The following IL17RD variants were observed in gnomAD, a reference collection of about 807,000 sequenced individuals.
The protein encoded by IL17RD is interleukin 17 receptor D, also known as interleukin-17 receptor D.
Under a neutral mutation model 80.5 loss-of-function variants are expected in IL17RD, and 52 were observed. The observed-to-expected ratio is 0.65, with a 90% confidence interval of 0.52 to 0.81. IL17RD has a LOEUF of 0.81. Among genes scored for constraint, IL17RD ranks in the 40% least tolerant of loss-of-function variants. The pLI is 0.00. For synonymous variants in IL17RD, 416 were observed against 391.8 expected, an observed-to-expected ratio of 1.06 and a Z score of -0.73; for missense variants, 1,024 against 955.1, an observed-to-expected ratio of 1.07 and a Z score of -0.95.
chr3:57,106,475 C>T (rs1248524539), intron 5 of IL17RD, among the ~76,000 whole-genome samples: 1 of 152,216 alleles, frequency 6.6e-6, no homozygotes, highest in Admixed American at 6.5e-5. Flanking sequence ...GTTCATGCTA[C>T]AGTCACATGG....
chr3:57,146,897 A>C (rs1707943298), intron 1 of IL17RD, among the ~76,000 whole-genome samples: 1 of 128,062 alleles, frequency 7.8e-6, no homozygotes, highest in African/African-American at 4.2e-5. Flanking sequence ...GACTCACTGC[A>C]ACCTATCTAT....
At chr3:57,097,148 T>G (rs948975367) in intron 12 of IL17RD, among the ~76,000 whole-genome samples, 1 of 151,894 alleles carries the variant, frequency 6.6e-6, no homozygotes, top group African/African-American at 2.4e-5. Flanking sequence ...TGGGACCCTA[T>G]GCTGAAGGAT....
intron 11 of IL17RD, among the ~76,000 whole-genome samples, chr3:57,099,475 A>G (rs1706778587): frequency 6.6e-6 from 1 of 152,176 alleles, no homozygotes; most frequent in Non-Finnish European, 1.5e-5. Flanking sequence ...ATTAATTCCC[A>G]ATGGCTATGA....
chr3:57,106,184 A>G (rs747557161), intron 5 of IL17RD, 30 bp from the exon 6 acceptor site: 22 of 1,566,446 alleles, frequency 1.4e-5, no homozygotes, highest in Non-Finnish European at 1.9e-5. Flanking sequence ...ACATGTTTTT[A>G]GTTTTAGGAC....
At chr3:57,157,059 G>C (rs941449230) in intron 1 of IL17RD, among the ~76,000 whole-genome samples, 1 of 152,184 alleles carries the variant, frequency 6.6e-6, no homozygotes, top group Admixed American at 6.5e-5. Flanking sequence ...TGGCACATGG[G>C]AAAGCTAGAG....
chr3:57,093,434 G>A lies in IL17RD; in HGVS notation c.*2959C>T, dbSNP rs896187777. 1.2e-4 allele frequency: 19 copies of A among 152,070 alleles called. No homozygotes were observed. The highest frequency in any genetic ancestry group is 4.4e-4 in the African/African-American group (18 of 41,376). The allele number at this position is 152,070 out of a possible 1,614,324, so 9.4% of individuals were successfully genotyped here. A position where few individuals can be genotyped will look rare whatever the true frequency, so the allele number is the denominator to read the frequency against. ...TCATTTTTCCTCAAGGAATAAAATT[G>A]GTCCTCTTGCCCCTTATTTCTTTTA... On this transcript the variant is annotated 3_prime_UTR_variant, in exon 13 of 13. Transcript: ENST00000296318.
chr3:57,144,309 C>T (rs1473318772), intron 1 of IL17RD, among the ~76,000 whole-genome samples: 1 of 152,164 alleles, frequency 6.6e-6, no homozygotes, highest in East Asian at 1.9e-4. Context: ...GACCTCTTCC[C>T]TAGCCGCTCA....
At chr3:57,130,611 G>A (rs565709218) in intron 1 of IL17RD, among the ~76,000 whole-genome samples, 30 of 152,270 alleles carry the variant, frequency 2.0e-4, no homozygotes, top group African/African-American at 6.3e-4. Context: ...TGAAGCCACA[G>A]TCACCAAGCT....
At chr3:57,107,889 C>G (rs1024663558) in intron 5 of IL17RD, among the ~76,000 whole-genome samples, 4 of 151,970 alleles carry the variant, frequency 2.6e-5, no homozygotes, top group Non-Finnish European at 5.9e-5. Flanking sequence ...ATTTGGAATG[C>G]CTTTAGAACA....
intron 3 of IL17RD, 134 bp downstream of exon 3, chr3:57,114,558 T>G (rs1229731959): frequency 4.2e-6 from 3 of 722,572 alleles, no homozygotes; most frequent in Non-Finnish European, 6.4e-6. Flanking sequence ...CAACAAAGTG[T>G]ATCTGTGCCC....
chr3:57,136,273 T>C (rs901402743), intron 1 of IL17RD, among the ~76,000 whole-genome samples: 9 of 152,140 alleles, frequency 5.9e-5, no homozygotes, highest in African/African-American at 9.7e-5. Flanking sequence ...GTAAATTCCA[T>C]TTTGTGATTA....
intron 2 of IL17RD, among the ~76,000 whole-genome samples, chr3:57,118,197 G>A (rs1241980038): frequency 2.6e-5 from 4 of 152,184 alleles, no homozygotes; most frequent in South Asian, 2.1e-4. Flanking sequence ...GCTGAACCAA[G>A]TATCATGGAT....
At chr3:57,132,450 A>C (rs1478394785) in intron 1 of IL17RD, among the ~76,000 whole-genome samples, 1 of 152,078 alleles carries the variant, frequency 6.6e-6, no homozygotes, top group Non-Finnish European at 1.5e-5. Context: ...ACAGAGTAAG[A>C]CTCTGTCTCA....
intron 1 of IL17RD, among the ~76,000 whole-genome samples, chr3:57,132,897 G>A (rs1249976242): frequency 1.1e-4 from 17 of 152,080 alleles, no homozygotes; most frequent in African/African-American, 4.1e-4. Context: ...TCCCACTCCT[G>A]CTCAACTGCC....
chr3:57,153,116 G>A (rs553373174), intron 1 of IL17RD, among the ~76,000 whole-genome samples: 1 of 152,254 alleles, frequency 6.6e-6, no homozygotes, highest in Admixed American at 6.5e-5. Context: ...GTTTATTACA[G>A]GATAGCACAA....
chr3:57,126,338 G>C (rs533890889), intron 1 of IL17RD, among the ~76,000 whole-genome samples: 3 of 152,272 alleles, frequency 2.0e-5, no homozygotes, highest in Admixed American at 2.0e-4. Context: ...CAGTAGGGAC[G>C]GAAGCAGCAA....
chr3:57,102,379 G>A (rs1295276045), intron 10 of IL17RD, 100 bp downstream of exon 10: 6 of 503,486 alleles, frequency 1.2e-5, no homozygotes, highest in Admixed American at 3.7e-5. Flanking sequence ...CTTCCCAGGC[G>A]CCATCCTGGA....
At chr3:57,164,950 T>G in intron 1 of IL17RD, 1 of 1,295,772 alleles carries the variant, frequency 7.7e-7, no homozygotes, top group Non-Finnish European at 9.8e-7. Context: ...AAAGCCGGGG[T>G]CGGGCAGCCG....
Position 57,095,285 on chromosome 3 carries a change from C to T in IL17RD, c.*1108G>A, listed in dbSNP as rs1706647376. 1 of 152,166 alleles carries T rather than the reference C, an allele frequency of 6.6e-6. No individual in the cohort carries two copies. Among genetic ancestry groups the T allele is most frequent in the South Asian group, 2.1e-4 (1 of 4,834 alleles). The allele number at this position is 152,166 out of a possible 1,614,324, so 9.4% of individuals were successfully genotyped here. On this transcript the variant is annotated 3_prime_UTR_variant, in exon 13 of 13. Transcript: ENST00000296318. Reference sequence around the variant, plus strand: ...TGCTAATCATCAGATGGGATGTGAACAATTGTTTTTTCTTTAGAAATAGAA... The same window carrying T: ...TGCTAATCATCAGATGGGATGTGAATAATTGTTTTTTCTTTAGAAATAGAA...
Sources: allele counts gnomAD v4.1 joint callset (sites outside exome capture counted in the v4.1 genomes callset), GRCh38; gene constraint gnomAD v4.1.1; transcripts MANE v1.5; gene names NCBI Gene and HGNC (gene_info 2026-07-23, HGNC 2026-07-21).